YWHAG: variants seen among roughly 807,000 people sequenced by gnomAD.
YWHAG encodes tyrosine 3-monooxygenase/tryptophan 5-monooxygenase activation protein gamma, also known as 14-3-3 protein gamma.
A neutral mutation model predicts 23.3 loss-of-function variants in YWHAG; 1 was observed. The ratio of observed to expected loss-of-function variants is 0.04; its 90% CI spans 0.02 to 0.20. The LOEUF is 0.20. Ranked by LOEUF, YWHAG falls within the 10% of genes least tolerant of loss-of-function variation. The probability of loss-of-function intolerance (pLI) is 1.00; values close to 1 mark genes in which losing one functional copy is unlikely to be tolerated. For synonymous variants in YWHAG, 160 were observed against 144.0 expected (o/e 1.11, Z -0.80); for missense variants, 151 against 338.6 (o/e 0.45, Z 4.35).
At position 76,358,699 on chromosome 7, in the gene YWHAG, G is replaced by T. The variant is rs199614518; in HGVS notation, c.87+23C>A. On this transcript the variant is annotated intron_variant, in intron 1 of 1. Coordinates refer to ENST00000307630, the MANE Select transcript of YWHAG (RefSeq NM_012479.4). ...CGTCTTCGGAGGGGCAGGGAGCGGC[G>T]GGGGAGGGGAGGAGACACTCACGTT... The T allele has an allele frequency of 3.5e-4, 538 of 1,548,252 alleles. 1 individual carries two copies. In the African/African-American group the frequency reaches 6.3e-3, roughly 18 times the overall value.
At chr7:76,331,782 C>T (rs1803545682) in intron 1 of YWHAG, among the ~76,000 whole-genome samples, 1 of 151,734 alleles carries the variant, frequency 6.6e-6, no homozygotes, top group Non-Finnish European at 1.5e-5. Flanking sequence ...GTGGGGAGGA[C>T]TGCTTGAGGC....
chr7:76,346,985 T>C, intron 1 of YWHAG, among the ~76,000 whole-genome samples: 1 of 152,180 alleles, frequency 6.6e-6, no homozygotes, highest in Admixed American at 6.5e-5. Context: ...TTTTCCATCC[T>C]GAAACTAAGC....
At chr7:76,356,786 G>C (rs1803968047) in intron 1 of YWHAG, among the ~76,000 whole-genome samples, 1 of 152,220 alleles carries the variant, frequency 6.6e-6, no homozygotes, top group African/African-American at 2.4e-5. Context: ...GGCCTAGCTA[G>C]AGGTCACAGA....
At chr7:76,341,404 CAAAAAA>C (rs1158151013) in intron 1 of YWHAG, among the ~76,000 whole-genome samples, 469 of 44,642 alleles carry the variant, frequency 0.011, 5 homozygotes, top group African/African-American at 0.029. Flanking sequence ...ACTCTTGCCT[CAAAAAA>C]AAAAAAAAAA....
At chr7:76,332,560 T>G (rs1803560715) in intron 1 of YWHAG, among the ~76,000 whole-genome samples, 3 of 152,178 alleles carry the variant, frequency 2.0e-5, no homozygotes, top group African/African-American at 7.2e-5. Flanking sequence ...TTACTCTGTT[T>G]CCCAAGCTGA....
At chr7:76,335,244 G>C (rs549831431) in intron 1 of YWHAG, among the ~76,000 whole-genome samples, 5 of 152,170 alleles carry the variant, frequency 3.3e-5, no homozygotes, top group African/African-American at 1.2e-4. Flanking sequence ...TTTTAATAGA[G>C]ACGGGGTTTC....
At chr7:76,358,305 A>G (rs1803992121) in intron 1 of YWHAG, among the ~76,000 whole-genome samples, 2 of 152,170 alleles carry the variant, frequency 1.3e-5, no homozygotes, top group Non-Finnish European at 2.9e-5. Flanking sequence ...CCCAGACACC[A>G]GGGAGAGAAA....
intron 1 of YWHAG, 137 bp from the exon 2 acceptor site, chr7:76,330,370 A>AG: frequency 1.1e-6 from 1 of 931,352 alleles, no homozygotes; most frequent in Non-Finnish European, 1.6e-6. Context: ...GGCTGGGGGA[A>AG]GGGGGCTGGA....
intron 1 of YWHAG, among the ~76,000 whole-genome samples, chr7:76,343,660 G>T (rs1238258387): frequency 6.6e-6 from 1 of 152,140 alleles, no homozygotes; most frequent in Admixed American, 6.6e-5. Context: ...TCAAGAGATG[G>T]GTTATCTCTC....
At chr7:76,334,412 AAC>A (rs1288837669) in intron 1 of YWHAG, among the ~76,000 whole-genome samples, 1 of 152,168 alleles carries the variant, frequency 6.6e-6, no homozygotes, top group African/African-American at 2.4e-5. Flanking sequence ...CATTTTTCAA[AAC>A]AGTCATTAAA....
At chr7:76,346,811 C>T (rs934464176) in intron 1 of YWHAG, among the ~76,000 whole-genome samples, 1 of 152,138 alleles carries the variant, frequency 6.6e-6, no homozygotes, top group African/African-American at 2.4e-5. Flanking sequence ...CCTGAAGAGA[C>T]TCACCATGGC....
At chr7:76,331,102 C>A (rs1442924459) in intron 1 of YWHAG, among the ~76,000 whole-genome samples, 1 of 152,154 alleles carries the variant, frequency 6.6e-6, no homozygotes, top group Non-Finnish European at 1.5e-5. Flanking sequence ...TACTTGACAA[C>A]CATATGAAAT....
chr7:76,336,506 AGT>A (rs933733730), intron 1 of YWHAG, among the ~76,000 whole-genome samples: 3 of 125,282 alleles, frequency 2.4e-5, no homozygotes, highest in Admixed American at 1.9e-4. Context: ...CCCAGGCTGG[AGT>A]GTGATGGCAC....
intron 1 of YWHAG, among the ~76,000 whole-genome samples, chr7:76,341,801 G>A (rs1025899381): frequency 6.6e-6 from 1 of 152,158 alleles, no homozygotes; most frequent in African/African-American, 2.4e-5. Context: ...GCATGTTCTA[G>A]AATGTGGTGA....
chr7:76,342,557 G>T lies in YWHAG; in HGVS notation c.88-12324C>A, dbSNP rs548508277. Reference sequence around the variant, plus strand: ...TAAGATCTTTCTCTCTTGGGGGCCAGAATGCATTTTTGAAACTGGCGAGAC... The same window carrying T: ...TAAGATCTTTCTCTCTTGGGGGCCATAATGCATTTTTGAAACTGGCGAGAC... On this transcript the variant is annotated intron_variant, in intron 1 of 1. Transcript: ENST00000307630. Among the ~76,000 whole-genome samples the T allele has an allele frequency of 1.1e-4, 16 of 152,340 alleles. No homozygotes were observed. The South Asian group carries it at 2.3e-3, about 22-fold the overall frequency.
chr7:76,343,724 A>T (rs2115626315), intron 1 of YWHAG, among the ~76,000 whole-genome samples: 1 of 152,262 alleles, frequency 6.6e-6, no homozygotes, highest in East Asian at 1.9e-4. Flanking sequence ...AATGGAGCCT[A>T]AGCAAGTATG....
chr7:76,332,535 T>G, intron 1 of YWHAG, among the ~76,000 whole-genome samples: 1 of 152,154 alleles, frequency 6.6e-6, no homozygotes, highest in East Asian at 1.9e-4. Flanking sequence ...TTTTTGTTCT[T>G]TTTGAGACAT....
rs1803498123 is a variant in YWHAG at position 76,328,932 on chromosome 7, GA to G, written c.*644del. The G allele has an allele frequency of 6.6e-6, 1 of 152,610 alleles. No individual in the cohort carries two copies. The highest frequency in any genetic ancestry group is 2.4e-5 in the African/African-American group (1 of 41,418). The allele number at this position is 152,610 out of a possible 1,614,324, so 9.5% of individuals were successfully genotyped here. On this transcript the variant is annotated 3_prime_UTR_variant, in exon 2 of 2. Transcript: ENST00000307630. ...GTTAAAGCCCAAACAACTAGCAAAG[GA>G]AAAGTACACAATCGATGGCTTGATG...
At position 76,358,843 on chromosome 7, in the gene YWHAG, G is replaced by C; in HGVS notation, c.-35C>G. 6.4e-7 allele frequency: 1 copy of C among 1,570,750 alleles called. No individual in the cohort carries two copies. Among genetic ancestry groups the C allele is most frequent in the Middle Eastern group, 1.7e-4 (1 of 5,830 alleles). ...GCTGGGTCTGGCCGGAGAAGGAGGA[G>C]GACACTGGGGCGGCCTGAAGGGCTT... On this transcript the variant is annotated 5_prime_UTR_variant, in exon 1 of 2. Coordinates refer to ENST00000307630, the MANE Select transcript of YWHAG (RefSeq NM_012479.4).
Sources: gnomAD v4.1 joint callset for allele counts (sites outside exome capture counted in the v4.1 genomes callset) on GRCh38, gnomAD v4.1.1 for gene constraint, MANE v1.5 for transcripts, NCBI Gene and HGNC (gene_info 2026-07-23, HGNC 2026-07-21) for gene names.